The following TEX11 variants were observed in gnomAD, a reference collection of about 807,000 sequenced individuals.
TEX11 encodes testis expressed 11, also known as testis-expressed protein 11.
In TEX11, 7 loss-of-function variants were observed where a neutral mutation model predicts 84.4. That is an observed-to-expected ratio of 0.08 (90% CI 0.05 to 0.16). The LOEUF (loss-of-function observed/expected upper bound fraction) is 0.16, where lower values mean the gene tolerates loss of function less well. Ranked by LOEUF, TEX11 falls within the 10% of genes least tolerant of loss-of-function variation. The pLI, the probability that TEX11 is intolerant of heterozygous loss-of-function variation, is 1.00. For missense variants in TEX11, 551 were observed against 660.5 expected (o/e 0.83, Z 1.82); for synonymous variants, 264 against 222.8 (o/e 1.18, Z -1.64).
rs781642174 is a variant in TEX11, at chrX:70,538,304, G to T, written c.2521-8305C>A. Among the ~76,000 whole-genome samples, 1,077 of 111,291 alleles carry T rather than the reference G, an allele frequency of 9.7e-3. 5 individuals carry two copies. The highest frequency in any genetic ancestry group is 0.019 in the Middle Eastern group (4 of 216). ...AGGGAAAGGGAGTGATAGAGCAAAA[G>T]TTGTGTTTTACGGAGATATATTTGA... is the stretch of plus-strand genomic sequence containing the variant. On this transcript the variant is annotated intron_variant, in intron 28 of 29. Coordinates refer to ENST00000374333, the MANE Select transcript of TEX11 (RefSeq NM_031276.3).
chrX:70,568,473 G>A (rs1358639392), intron 25 of TEX11, among the ~76,000 whole-genome samples: 1 of 109,310 alleles, frequency 9.1e-6, no homozygotes, highest in African/African-American at 3.3e-5. Flanking sequence ...TATTTTGCTC[G>A]TTAGTTGATG....
intron 9 of TEX11, among the ~76,000 whole-genome samples, chrX:70,803,798 T>C (rs1278901587): frequency 9.0e-6 from 1 of 111,378 alleles, no homozygotes; most frequent in Non-Finnish European, 1.9e-5. Flanking sequence ...TCTGCTTGCA[T>C]CACCAACTGC....
intron 17 of TEX11, among the ~76,000 whole-genome samples, chrX:70,636,640 C>A (rs932867387): frequency 1.8e-5 from 2 of 112,418 alleles, no homozygotes; most frequent in African/African-American, 6.5e-5. Flanking sequence ...TTCAGACTCA[C>A]CACTTTAGTG....
At chrX:70,900,912 C>T (rs1286193025) in intron 2 of TEX11, among the ~76,000 whole-genome samples, 2 of 110,601 alleles carry the variant, frequency 1.8e-5, no homozygotes, top group Non-Finnish European at 3.8e-5. Context: ...CCACTGCACT[C>T]CAGCCTGGGC....
chrX:70,907,771 A>G lies in TEX11; in HGVS notation c.19T>C (p.Phe7Leu). 8.4e-7 allele frequency: 1 copy of G among 1,188,278 alleles called. No individual in the cohort carries two copies. The highest frequency in any genetic ancestry group is 1.8e-5 in the South Asian group (1 of 56,431). The change falls in exon 2 of 30, where the codon TTT becomes CTT. Residue 7 changes from phenylalanine (F) to leucine (L), a missense_variant. Physicochemically the swap from Phe to Leu is conservative, Grantham distance 22 (BLOSUM62 0). Transcript: ENST00000374333. ...TACGTACCTTTAAAGTCCATGGAAA[A>G]AAAATCATCATTGTCCATTTTTAAA... MDNDDF[F>L]SMDFKEVVEN...
intron 13 of TEX11, among the ~76,000 whole-genome samples, chrX:70,719,815 A>G (rs2090540579): frequency 8.9e-6 from 1 of 111,739 alleles, no homozygotes; most frequent in Admixed American, 9.5e-5. Flanking sequence ...CAAAACCACA[A>G]TGAGATACCA....
intron 9 of TEX11, among the ~76,000 whole-genome samples, chrX:70,782,663 A>AAAAAAAAAAAAAAAAAAAAAAAAAAAC (rs2091048696): frequency 9.5e-6 from 1 of 104,898 alleles, no homozygotes; most frequent in Non-Finnish European, 1.9e-5. Flanking sequence ...AAAAAAAAAA[A>AAAAAAAAAAAAAAAAAAAAAAAAAAAC]AAACAGGGGT....
chrX:70,562,961 T>C (rs992063961), intron 25 of TEX11, among the ~76,000 whole-genome samples: 8 of 112,358 alleles, frequency 7.1e-5, no homozygotes, highest in Middle Eastern at 4.6e-3. Flanking sequence ...GCATTTAACA[T>C]TCATTTACTT....
rs1221637260 is a variant in TEX11, at chrX:70,566,002, C to T, written c.2141-11202G>A. On this transcript the variant is annotated intron_variant, in intron 25 of 29. Coordinates refer to ENST00000374333, the MANE Select transcript of TEX11 (RefSeq NM_031276.3). The stretch of plus-strand genomic sequence containing the variant: ...CTATAAATTACCTTGGGCAGTATGG[C>T]CATTTTCACGATATTGATTCCTCCT... Among the ~76,000 whole-genome samples the T allele has an allele frequency of 5.5e-5, 6 of 109,134 alleles. No individual in the cohort carries two copies. In the East Asian group the frequency reaches 1.7e-3, roughly 31 times the overall value. The allele number at this position is 109,134 out of a possible 115,157, so 94.8% of individuals were successfully genotyped here.
At chrX:70,808,465 C>T (rs896059883) in intron 8 of TEX11, among the ~76,000 whole-genome samples, 2 of 108,210 alleles carry the variant, frequency 1.8e-5, no homozygotes, top group African/African-American at 6.7e-5. Flanking sequence ...ATCATGCCAC[C>T]GCACTCCAGC....
At chrX:70,780,276 A>C in intron 9 of TEX11, among the ~76,000 whole-genome samples, 1 of 112,403 alleles carries the variant, frequency 8.9e-6, no homozygotes, top group Non-Finnish European at 1.9e-5. Context: ...TCCATCACGC[A>C]CACACAAAAA....
intron 7 of TEX11, among the ~76,000 whole-genome samples, chrX:70,834,261 C>T (rs762420440): frequency 2.7e-5 from 3 of 111,108 alleles, no homozygotes; most frequent in South Asian, 7.6e-4. Context: ...CCAAAAGAGC[C>T]GCTCTGCCAT....
chrX:70,684,298 T>C (rs1407620479), intron 13 of TEX11, among the ~76,000 whole-genome samples: 1 of 112,225 alleles, frequency 8.9e-6, no homozygotes, highest in Admixed American at 9.4e-5. Flanking sequence ...CAAAAATATA[T>C]AAAATAGTTG....
chrX:70,671,910 T>TATATATATATATATATATATAG (rs57166359), intron 15 of TEX11, among the ~76,000 whole-genome samples: 10 of 67,969 alleles, frequency 1.5e-4, no homozygotes, highest in Admixed American at 4.2e-4. Flanking sequence ...TATATATATA[T>TATATATATATATATATATATAG]ACACACACAC....
intron 28 of TEX11, among the ~76,000 whole-genome samples, chrX:70,541,159 C>G (rs2088038781): frequency 1.8e-5 from 2 of 111,469 alleles, no homozygotes; most frequent in African/African-American, 6.5e-5. Flanking sequence ...GCACTCTAGC[C>G]TGGGTGACAG....
intron 13 of TEX11, among the ~76,000 whole-genome samples, chrX:70,697,886 A>G (rs1184324679): frequency 1.8e-5 from 2 of 112,242 alleles, no homozygotes; most frequent in Non-Finnish European, 3.8e-5. Context: ...TGGAGGAACA[A>G]GAACTTGAAA....
intron 9 of TEX11, among the ~76,000 whole-genome samples, chrX:70,800,198 T>A (rs1469586019): frequency 9.0e-6 from 1 of 111,013 alleles, no homozygotes; most frequent in Non-Finnish European, 1.9e-5. Flanking sequence ...TGATGCGAAC[T>A]CATGAACACA....
rs758250890 is a variant in TEX11 at position 70,810,339 on chromosome X, C to T, written c.607-3549G>A. Among the ~76,000 whole-genome samples the T allele has an allele frequency of 1.5e-4, 17 of 112,225 alleles. No individual in the cohort carries two copies. The South Asian group carries it at 5.2e-3, about 34-fold the overall frequency. ...AATCATTCTATCATAAAGACACATA[C>T]ACACGTATGTTTATTTCAACACTGT... On this transcript the variant is annotated intron_variant, in intron 8 of 29. Coordinates refer to ENST00000374333, the MANE Select transcript of TEX11 (RefSeq NM_031276.3).
intron 17 of TEX11, among the ~76,000 whole-genome samples, chrX:70,639,324 C>A (rs767088560): frequency 8.9e-6 from 1 of 111,839 alleles, no homozygotes; most frequent in African/African-American, 3.2e-5. Context: ...AACTGCAAGG[C>A]GGCAGTGAGG....
Sources: allele counts gnomAD v4.1 joint callset (sites outside exome capture counted in the v4.1 genomes callset), GRCh38; gene constraint gnomAD v4.1.1; transcripts MANE v1.5; gene names NCBI Gene and HGNC (gene_info 2026-07-23, HGNC 2026-07-21).